The following HBS1L variants were observed in gnomAD, a reference collection of about 807,000 sequenced individuals.
HBS1L encodes the protein HBS1 like translational GTPase, also known as HBS1-like protein.
HBS1L carries 55 observed loss-of-function variants against 88.9 expected under a neutral mutation model. The observed-to-expected ratio is 0.62, with a 90% confidence interval of 0.50 to 0.77. The LOEUF is 0.77. HBS1L is among the 30% of genes least tolerant of loss of function. The pLI, the probability that HBS1L is intolerant of heterozygous loss-of-function variation, is 0.00. For missense variants in HBS1L, 741 were observed against 829.3 expected, an observed-to-expected ratio of 0.89 and a Z score of 1.31; for synonymous variants, 267 against 288.5, an observed-to-expected ratio of 0.93 and a Z score of 0.76.
intron 1 of HBS1L, among the ~76,000 whole-genome samples, chr6:135,053,033 G>A (rs184459038): frequency 1.3e-5 from 2 of 152,264 alleles, no homozygotes; most frequent in Admixed American, 6.5e-5. Context: ...AACAAGAAAA[G>A]GGGATGAACC....
Position 135,047,161 on chromosome 6 carries a change from G to A in HBS1L, c.109+3421C>T, listed in dbSNP as rs555561528. ...TATGAGAGACACATGGATAAACTCC[G>A]TCTCTGTCCTCAAGGAAGCTAGGCC... On this transcript the variant is annotated intron_variant, in intron 2 of 17. Transcript: ENST00000367837. Among the ~76,000 whole-genome samples the A allele has an allele frequency of 3.3e-5, 5 of 152,296 alleles. 1 individual carries two copies. The highest frequency in any genetic ancestry group is 2.0e-4 in the Admixed American group (3 of 15,302).
rs755852322 is a variant in HBS1L, at chr6:135,050,667, G to A, written c.44-20C>T. On this transcript the variant is annotated intron_variant, in intron 1 of 17. Coordinates refer to ENST00000367837, the MANE Select transcript of HBS1L (RefSeq NM_006620.4). ...CAAAATCTAAAATAAAGACAAAAGAGATAAATTCATTTACAAGTTCTTTTT... is the reference window on the plus strand; with the variant it reads ...CAAAATCTAAAATAAAGACAAAAGAAATAAATTCATTTACAAGTTCTTTTT... 2.6e-5 allele frequency: 38 copies of A among 1,465,556 alleles called. No individual in the cohort carries two copies. The highest frequency in any genetic ancestry group is 3.4e-5 in the Non-Finnish European group (36 of 1,067,894). 90.8% of individuals were successfully genotyped at this position (1,465,556 alleles called of 1,614,324 possible). A position where few individuals can be genotyped will look rare whatever the true frequency, so the allele number is the denominator to read the frequency against.
rs1402704978 is a variant in HBS1L at position 135,008,158 on chromosome 6, T to C, written c.431-5316A>G. 2.6e-5 allele frequency among the ~76,000 whole-genome samples: 4 copies of C among 152,186 alleles called. No homozygotes were observed. The East Asian group carries it at 7.7e-4, about 29-fold the overall frequency. ...ACAAAACCCACCCACCAAATCATGA[T>C]CACCCAAAAGATACATATTCTGAAA... On this transcript the variant is annotated intron_variant, in intron 4 of 17. Coordinates refer to ENST00000367837, the MANE Select transcript of HBS1L (RefSeq NM_006620.4).
chr6:135,034,197 A>G (rs1296776730), intron 4 of HBS1L, among the ~76,000 whole-genome samples: 3 of 152,208 alleles, frequency 2.0e-5, no homozygotes, highest in African/African-American at 7.2e-5. Flanking sequence ...CAAAATACTG[A>G]ATATAAAAAC....
chr6:135,027,216 AGAAAAGAAAAAAT>A (rs1434659829), intron 4 of HBS1L: 46 of 130,248 alleles, frequency 3.5e-4, no homozygotes, highest in African/African-American at 1.3e-3. Context: ...AAAAAAAAAA[AGAAAAGAAAAAAT>A]AGCTAACAGA....
At chr6:135,030,004 T>C (rs774556885) in intron 4 of HBS1L, among the ~76,000 whole-genome samples, 3 of 152,220 alleles carry the variant, frequency 2.0e-5, no homozygotes, top group Non-Finnish European at 4.4e-5. Flanking sequence ...AGGAACAAGA[T>C]TGTGGGACCA....
At chr6:135,014,957 C>T (rs1248870828) in intron 4 of HBS1L, among the ~76,000 whole-genome samples, 1 of 151,842 alleles carries the variant, frequency 6.6e-6, no homozygotes, top group Non-Finnish European at 1.5e-5. Context: ...ATTGCTTGAG[C>T]CCGGGAGGCG....
At chr6:135,030,951 G>C (rs765800708) in intron 4 of HBS1L, among the ~76,000 whole-genome samples, 2 of 152,078 alleles carry the variant, frequency 1.3e-5, no homozygotes, top group Admixed American at 6.5e-5. Context: ...AGAAGGTGAC[G>C]TCGGCCTTTT....
At chr6:135,038,910 A>G (rs531366864) in intron 4 of HBS1L, among the ~76,000 whole-genome samples, 1 of 152,286 alleles carries the variant, frequency 6.6e-6, no homozygotes, top group South Asian at 2.1e-4. Flanking sequence ...TCCTTTTCCT[A>G]TCTCATCAGA....
intron 15 of HBS1L, among the ~76,000 whole-genome samples, chr6:134,975,498 C>T (rs1774616578): frequency 1.3e-5 from 2 of 152,164 alleles, no homozygotes; most frequent in African/African-American, 4.8e-5. Context: ...CACTACCCTA[C>T]TTCAAATTAT....
intron 1 of HBS1L, among the ~76,000 whole-genome samples, chr6:135,051,202 C>T (rs1171305582): frequency 1.2e-4 from 18 of 150,092 alleles, no homozygotes; most frequent in African/African-American, 3.9e-4. Flanking sequence ...TCAGCCTGGG[C>T]GACAGAGCAA....
intron 12 of HBS1L, 93 bp downstream of exon 12, chr6:134,985,248 A>C: frequency 1.5e-6 from 1 of 677,272 alleles, no homozygotes; most frequent in South Asian, 2.7e-5. Flanking sequence ...CTCTGAAGGC[A>C]ATATACTGTC....
chr6:134,999,444 TTTTC>T (rs1035849559), intron 5 of HBS1L, among the ~76,000 whole-genome samples: 1 of 121,802 alleles, frequency 8.2e-6, no homozygotes, highest in African/African-American at 2.8e-5. Flanking sequence ...AATCTTTTTC[TTTTC>T]TTTTTTTTTT....
chr6:135,017,528 T>C (rs1018247374), intron 4 of HBS1L, among the ~76,000 whole-genome samples: 14 of 152,116 alleles, frequency 9.2e-5, no homozygotes, highest in African/African-American at 3.4e-4. Flanking sequence ...GTTTTTGTTT[T>C]AAATTAAAAA....
chr6:135,044,062 G>A (rs1410252121), intron 2 of HBS1L, among the ~76,000 whole-genome samples: 3 of 152,090 alleles, frequency 2.0e-5, no homozygotes, highest in Non-Finnish European at 2.9e-5. Flanking sequence ...GCCCTGTTTG[G>A]AGAGCCCTTA....
At chr6:134,990,411 C>G (rs1170400209) in intron 8 of HBS1L, among the ~76,000 whole-genome samples, 2 of 152,166 alleles carry the variant, frequency 1.3e-5, no homozygotes. Flanking sequence ...AGGCAGCATG[C>G]CTTGTATGCT....
At chr6:134,975,074 CA>C (rs1375226730) in intron 15 of HBS1L, among the ~76,000 whole-genome samples, 3 of 152,082 alleles carry the variant, frequency 2.0e-5, no homozygotes, top group Non-Finnish European at 4.4e-5. Flanking sequence ...TCTCAGGTTA[CA>C]AAATCAATGT....
At chr6:135,051,460 C>T (rs1006372208) in intron 1 of HBS1L, among the ~76,000 whole-genome samples, 3 of 152,172 alleles carry the variant, frequency 2.0e-5, no homozygotes, top group Non-Finnish European at 4.4e-5. Flanking sequence ...TGATGGCTAA[C>T]TGCCCTTTTT....
intron 13 of HBS1L, 134 bp downstream of exon 13, chr6:134,982,320 ACAGT>A (rs767194412): frequency 1.7e-6 from 1 of 603,962 alleles, no homozygotes; most frequent in Non-Finnish European, 3.0e-6. Context: ...TTAATCTTCA[ACAGT>A]CAGTATCATT....
Sources: gnomAD v4.1 joint callset for allele counts (sites outside exome capture counted in the v4.1 genomes callset) on GRCh38, gnomAD v4.1.1 for gene constraint, MANE v1.5 for transcripts, NCBI Gene and HGNC (gene_info 2026-07-23, HGNC 2026-07-21) for gene names.